TMEM87B: variants seen among roughly 807,000 people sequenced by gnomAD.
TMEM87B encodes transmembrane protein 87B.
In TMEM87B, 83 loss-of-function variants were observed where a neutral mutation model predicts 80.3. The observed-to-expected ratio is 1.03, with a 90% CI of 0.87 to 1.24. The LOEUF (loss-of-function observed/expected upper bound fraction) is 1.24, where lower values mean the gene tolerates loss of function less well. TMEM87B is among the 50% of genes most tolerant of loss of function. TMEM87B has a pLI of 0.00. For missense variants in TMEM87B, 625 were observed against 674.4 expected (o/e 0.93, Z 0.81); for synonymous variants, 219 against 230.5 (o/e 0.95, Z 0.45).
chr2:112,070,601 G>C (rs1321729004), intron 4 of TMEM87B, among the ~76,000 whole-genome samples: 1 of 152,148 alleles, frequency 6.6e-6, no homozygotes, highest in Non-Finnish European at 1.5e-5. Flanking sequence ...TTTGAAGTCA[G>C]GTAGCATGAT....
At chr2:112,058,814 GAACTAAATTT>G (rs1678160814) in intron 1 of TMEM87B, among the ~76,000 whole-genome samples, 1 of 152,214 alleles carries the variant, frequency 6.6e-6, no homozygotes, top group African/African-American at 2.4e-5. Flanking sequence ...TGGAGAGGAA[GAACTAAATTT>G]GATAAATGTT....
At chr2:112,081,865 C>A (rs1294215469) in intron 8 of TMEM87B, among the ~76,000 whole-genome samples, 1 of 152,192 alleles carries the variant, frequency 6.6e-6, no homozygotes, top group South Asian at 2.1e-4. Context: ...CTCCTTCCCC[C>A]CACATCTTCT....
At chr2:112,111,929 A>G (rs1419409506) in intron 17 of TMEM87B, among the ~76,000 whole-genome samples, 2 of 152,212 alleles carry the variant, frequency 1.3e-5, no homozygotes, top group Non-Finnish European at 2.9e-5. Context: ...TGATATTGCT[A>G]GTGTTTAGCT....
intron 2 of TMEM87B, among the ~76,000 whole-genome samples, chr2:112,060,841 A>G (rs1442749586): frequency 6.6e-6 from 1 of 152,200 alleles, no homozygotes; most frequent in African/African-American, 2.4e-5. Flanking sequence ...ATGGCCCACA[A>G]GAATGGATTT....
intron 9 of TMEM87B, among the ~76,000 whole-genome samples, chr2:112,087,493 C>T (rs1271653430): frequency 6.6e-6 from 1 of 152,046 alleles, no homozygotes; most frequent in Non-Finnish European, 1.5e-5. Flanking sequence ...CATCTGTGCC[C>T]CCAGACCCTG....
chr2:112,091,820 A>G, intron 11 of TMEM87B, 37 bp downstream of exon 11: 2 of 1,412,906 alleles, frequency 1.4e-6, no homozygotes, highest in South Asian at 2.5e-5. Flanking sequence ...AGTTTGTTGT[A>G]TCATGAAAAT....
chr2:112,073,707 A>G (rs1022312467), intron 4 of TMEM87B, among the ~76,000 whole-genome samples: 6 of 152,146 alleles, frequency 3.9e-5, no homozygotes, highest in Admixed American at 2.6e-4. Context: ...GAAGTCTCTC[A>G]CTATTATTGT....
At chr2:112,092,153 T>C (rs1235721360) in intron 11 of TMEM87B, among the ~76,000 whole-genome samples, 1 of 152,188 alleles carries the variant, frequency 6.6e-6, no homozygotes, top group Non-Finnish European at 1.5e-5. Flanking sequence ...AGAGAGAAGT[T>C]AATGCTGGCA....
intron 11 of TMEM87B, among the ~76,000 whole-genome samples, chr2:112,094,115 A>T (rs1243555172): frequency 1.3e-5 from 2 of 150,648 alleles, no homozygotes; most frequent in Non-Finnish European, 3.0e-5. Flanking sequence ...AAAATAAACT[A>T]TCTTTTCTGG....
rs1157992017 is a variant in TMEM87B at position 112,116,621 on chromosome 2, A to G, written c.*478A>G. 1 of 152,416 alleles carries G rather than the reference A, an allele frequency of 6.6e-6. No individual in the cohort carries two copies. Among genetic ancestry groups the G allele is most frequent in the Admixed American group, 6.5e-5 (1 of 15,300 alleles). 9.4% of individuals were successfully genotyped at this position (152,416 alleles called of 1,614,324 possible). ...AATAATACTTCTCTTTGACATTTGT[A>G]CTGAAGTGATTTGATATTAAGTAAA... On this transcript the variant is annotated 3_prime_UTR_variant, in exon 19 of 19. Coordinates refer to ENST00000283206, the MANE Select transcript of TMEM87B (RefSeq NM_032824.3).
intron 2 of TMEM87B, 132 bp downstream of exon 2, chr2:112,060,169 A>T: frequency 9.6e-7 from 1 of 1,043,790 alleles, no homozygotes; most frequent in South Asian, 2.7e-5. Flanking sequence ...AACATAGTGA[A>T]ACCCCGTCTC....
chr2:112,118,437 A>T lies in TMEM87B; in HGVS notation c.*2294A>T, dbSNP rs971038851. The T allele has an allele frequency of 6.6e-6, 1 of 152,140 alleles. No individual in the cohort carries two copies. Among genetic ancestry groups the T allele is most frequent in the African/African-American group, 2.4e-5 (1 of 41,418 alleles). 9.4% of individuals were successfully genotyped at this position (152,140 alleles called of 1,614,324 possible). Reference sequence around the variant, plus strand: ...AGGGTGGGTCTCACTGTTAGTGAGGATACGGGTCTGGTTTGATGTTTTTCT... The same window carrying T: ...AGGGTGGGTCTCACTGTTAGTGAGGTTACGGGTCTGGTTTGATGTTTTTCT... On this transcript the variant is annotated 3_prime_UTR_variant, in exon 19 of 19. Coordinates refer to ENST00000283206, the MANE Select transcript of TMEM87B (RefSeq NM_032824.3).
intron 13 of TMEM87B, among the ~76,000 whole-genome samples, chr2:112,098,013 T>C (rs1318140546): frequency 2.0e-5 from 3 of 151,804 alleles, no homozygotes; most frequent in Non-Finnish European, 4.4e-5. Flanking sequence ...TCTCACTCCG[T>C]CAGCCAGTCT....
chr2:112,085,885 A>G lies in TMEM87B; in HGVS notation c.839-120A>G, dbSNP rs1007607706. ...GTTGGATTCAGTGACTTTTAAATCA[A>G]ATGTGGCTGATTGGTCTGAAGTTCG... On this transcript the variant is annotated intron_variant, in intron 8 of 18. Transcript: ENST00000283206. The G allele has an allele frequency of 8.2e-6, 6 of 727,684 alleles. No individual in the cohort carries two copies. The South Asian group carries it at 1.2e-4, about 14-fold the overall frequency. 45.1% of individuals were successfully genotyped at this position (727,684 alleles called of 1,614,324 possible).
intron 16 of TMEM87B, among the ~76,000 whole-genome samples, chr2:112,106,685 A>G (rs1043895028): frequency 2.6e-5 from 4 of 152,202 alleles, no homozygotes; most frequent in Admixed American, 6.5e-5. Context: ...GAAGACAACA[A>G]TGTAAAATGG....
chr2:112,085,695 C>T (rs1679122143), intron 8 of TMEM87B, among the ~76,000 whole-genome samples: 1 of 152,144 alleles, frequency 6.6e-6, no homozygotes, highest in African/African-American at 2.4e-5. Flanking sequence ...TAAATATTTA[C>T]AGGACAAGAA....
intron 15 of TMEM87B, among the ~76,000 whole-genome samples, chr2:112,104,497 A>G (rs1010624980): frequency 6.6e-6 from 1 of 152,206 alleles, no homozygotes; most frequent in Non-Finnish European, 1.5e-5. Context: ...GGGAAATGCA[A>G]ATTAAGACCA....
At chr2:112,057,088 C>T (rs1359313986) in intron 1 of TMEM87B, among the ~76,000 whole-genome samples, 1 of 152,192 alleles carries the variant, frequency 6.6e-6, no homozygotes, top group Non-Finnish European at 1.5e-5. Flanking sequence ...GAGAAGTTTG[C>T]TCCTTGAGTG....
In TMEM87B at chr2:112,096,490, G is replaced by A. The variant is rs114779291; in HGVS notation, c.1105-554G>A. 1.9e-3 allele frequency among the ~76,000 whole-genome samples: 294 copies of A among 152,186 alleles called. 2 individuals are homozygous for A. Among genetic ancestry groups the A allele is most frequent in the African/African-American group, 6.6e-3 (275 of 41,522 alleles). On this transcript the variant is annotated intron_variant, in intron 11 of 18. Transcript: ENST00000283206. Reference sequence around the variant, plus strand: ...CTTCCTATTGCAGTAATCCTCCCCCGTTGCAGTCATCTTTCAAATAAAGCC... The same window carrying A: ...CTTCCTATTGCAGTAATCCTCCCCCATTGCAGTCATCTTTCAAATAAAGCC...
Sources: allele counts gnomAD v4.1 joint callset (sites outside exome capture counted in the v4.1 genomes callset), GRCh38; gene constraint gnomAD v4.1.1; transcripts MANE v1.5; gene names NCBI Gene and HGNC (gene_info 2026-07-23, HGNC 2026-07-21).